The following SLC25A42 variants were observed in gnomAD, a reference collection of about 807,000 sequenced individuals.
SLC25A42 encodes mitochondrial coenzyme A transporter SLC25A42.
SLC25A42 carries 19 observed loss-of-function variants against 34.7 expected under a neutral mutation model. The observed-to-expected ratio is 0.55, with a 90% CI of 0.38 to 0.80. The LOEUF (loss-of-function observed/expected upper bound fraction) is 0.80, where lower values mean the gene tolerates loss of function less well. SLC25A42 is among the 30% of genes least tolerant of loss of function. SLC25A42 has a pLI of 0.00. For synonymous variants in SLC25A42, 205 were observed against 191.2 expected, an observed-to-expected ratio of 1.07 and a Z score of -0.59; for missense variants, 364 against 441.3, an observed-to-expected ratio of 0.82 and a Z score of 1.57.
chr19:19,076,725 A>G (rs2059657568), intron 1 of SLC25A42, among the ~76,000 whole-genome samples: 2 of 152,208 alleles, frequency 1.3e-5, no homozygotes, highest in African/African-American at 2.4e-5. Flanking sequence ...AAGTGTATAT[A>G]TAGCTCAGTG....
chr19:19,109,029 A>G lies in SLC25A42; in HGVS notation c.649+984A>G, dbSNP rs779875576. 1.3e-4 allele frequency among the ~76,000 whole-genome samples: 20 copies of G among 152,236 alleles called. No homozygotes were observed. The highest frequency in any genetic ancestry group is 2.2e-4 in the Non-Finnish European group (15 of 68,042). The stretch of plus-strand genomic sequence containing the variant: ...ATTAGAAGTGAGGGTTGCACCCCTC[A>G]AGACTGCTTTGAAAATACTTCTGTA... On this transcript the variant is annotated intron_variant, in intron 7 of 7. Coordinates refer to ENST00000318596, the MANE Select transcript of SLC25A42 (RefSeq NM_178526.5). The surrounding 1 kb of genome is among the most constrained non-coding windows in gnomAD (Gnocchi z 4.1).
Position 19,111,882 on chromosome 19 carries a change from T to C in SLC25A42, c.*1006T>C, listed in dbSNP as rs1217850428. 1 of 152,150 alleles carries C rather than the reference T, an allele frequency of 6.6e-6. No homozygotes were observed. The highest frequency in any genetic ancestry group is 1.9e-4 in the East Asian group (1 of 5,178). The allele number at this position is 152,150 out of a possible 1,614,324, so 9.4% of individuals were successfully genotyped here. A position where few individuals can be genotyped will look rare whatever the true frequency, so the allele number is the denominator to read the frequency against. On this transcript the variant is annotated 3_prime_UTR_variant, in exon 8 of 8. Transcript: ENST00000318596. ...TGTTCAGTTTCTATGAAATGGAGCA[T>C]GGGGTGCCTGCTAGCCTCAATCCCC...
In SLC25A42 at chr19:19,076,106, C is replaced by T. The variant is rs781715958; in HGVS notation, c.-35+11991C>T. Among the ~76,000 whole-genome samples, 10 of 152,276 alleles carry T rather than the reference C, an allele frequency of 6.6e-5. No individual in the cohort carries two copies. In the East Asian group the frequency reaches 1.5e-3, roughly 24 times the overall value. ...GTCCTCAGAAGGGATGGCCACTGTG[C>T]GTGTGGACCAACTGTAGAGCTTCAG... is the stretch of plus-strand genomic sequence containing the variant. On this transcript the variant is annotated intron_variant, in intron 1 of 7. Transcript: ENST00000318596.
At chr19:19,102,342 C>T (rs1365105566) in intron 3 of SLC25A42, among the ~76,000 whole-genome samples, 1 of 152,008 alleles carries the variant, frequency 6.6e-6, no homozygotes, top group Non-Finnish European at 1.5e-5. Context: ...CCCAGGCTGG[C>T]TTCAAAGTCC....
chr19:19,079,360 T>G (rs972788961), intron 1 of SLC25A42, among the ~76,000 whole-genome samples: 1 of 151,842 alleles, frequency 6.6e-6, no homozygotes, highest in Non-Finnish European at 1.5e-5. Flanking sequence ...CTGGCCAATT[T>G]CAGAACATTT....
intron 1 of SLC25A42, among the ~76,000 whole-genome samples, chr19:19,067,899 C>T (rs1356871646): frequency 1.3e-5 from 2 of 152,114 alleles, no homozygotes; most frequent in African/African-American, 2.4e-5. Context: ...CCTCTGCCCA[C>T]GTGTCATACA....
chr19:19,089,869 A>AAAAGACAAAAAC (rs2059728851), intron 1 of SLC25A42, among the ~76,000 whole-genome samples: 1 of 151,402 alleles, frequency 6.6e-6, no homozygotes, highest in Admixed American at 6.6e-5. Flanking sequence ...ACTCCGTCTC[A>AAAAGACAAAAAC]AAAAACAAAA....
At chr19:19,071,900 G>A (rs545439129) in intron 1 of SLC25A42, among the ~76,000 whole-genome samples, 23 of 152,202 alleles carry the variant, frequency 1.5e-4, no homozygotes, top group African/African-American at 5.5e-4. Context: ...AAAAATAAAG[G>A]GATGTTCTTT....
intron 1 of SLC25A42, among the ~76,000 whole-genome samples, chr19:19,073,420 G>A (rs77042168): frequency 0.019 from 2,937 of 152,296 alleles, 86 homozygotes; most frequent in African/African-American, 0.067. Context: ...ACATTTAGGA[G>A]CTTTGAAGGA....
intron 1 of SLC25A42, among the ~76,000 whole-genome samples, chr19:19,067,531 T>C (rs539879786): frequency 6.6e-6 from 1 of 152,222 alleles, no homozygotes; most frequent in African/African-American, 2.4e-5. Flanking sequence ...TGCAGTGAGC[T>C]ATGATTGCAC....
rs2059683666 is a variant in SLC25A42, at chr19:19,081,924, G to A, written c.-34-14167G>A. On this transcript the variant is annotated intron_variant, in intron 1 of 7. Transcript: ENST00000318596. This position sits in a 1 kb window ranked among gnomAD's most constrained non-coding sequence, Gnocchi z 4.5. ...TGCCTTGGACACTGCCCCTCAGGGAGGCCGACCTGATCACCTGGTCACTGG... is the reference window on the plus strand; with the variant it reads ...TGCCTTGGACACTGCCCCTCAGGGAAGCCGACCTGATCACCTGGTCACTGG... Among the ~76,000 whole-genome samples the A allele has an allele frequency of 6.6e-6, 1 of 152,212 alleles. No homozygotes were observed. Among genetic ancestry groups the A allele is most frequent in the Admixed American group, 6.5e-5 (1 of 15,278 alleles).
In SLC25A42 at chr19:19,105,727, A is replaced by G; in HGVS notation, c.380A>G (p.Glu127Gly). 6.4e-7 allele frequency: 1 copy of G among 1,559,290 alleles called. No homozygotes were observed. The highest frequency in any genetic ancestry group is 1.2e-5 in the South Asian group (1 of 86,448). Residue 127 changes from glutamate (E) to glycine (G), a missense_variant and splice_region_variant, in exon 5 of 8, where the codon GAA becomes GGA. Transcript: ENST00000318596. ...GGCAGCTACTATGGCTTCCGTGGAG[A>G]GTGAGGCCCCGCCCCGCCCTGCCAC... ...ILGSYYGFRG[E>G]ALPPWPRLFA... is the part of the protein sequence containing the mutation.
Position 19,096,073 on chromosome 19 carries a change from C to T in SLC25A42, c.-34-18C>T. 6.6e-7 allele frequency: 1 copy of T among 1,516,210 alleles called. No homozygotes were observed. The highest frequency in any genetic ancestry group is 1.1e-5 in the South Asian group (1 of 88,058). The allele number at this position is 1,516,210 out of a possible 1,614,324, so 93.9% of individuals were successfully genotyped here. A position where few individuals can be genotyped will look rare whatever the true frequency, so the allele number is the denominator to read the frequency against. On this transcript the variant is annotated intron_variant, in intron 1 of 7. Coordinates refer to ENST00000318596, the MANE Select transcript of SLC25A42 (RefSeq NM_178526.5). ...TCAGGATCTCGCCGTATCTTACCACCTCCCCTTACCCCCCCAGGACCGAGT... is the reference window on the plus strand; with the variant it reads ...TCAGGATCTCGCCGTATCTTACCACTTCCCCTTACCCCCCCAGGACCGAGT...
At chr19:19,077,940 C>G (rs2059662950) in intron 1 of SLC25A42, among the ~76,000 whole-genome samples, 1 of 152,208 alleles carries the variant, frequency 6.6e-6, no homozygotes, top group African/African-American at 2.4e-5. Flanking sequence ...TCTGCCTCTT[C>G]ACTGGTGTGT....
intron 3 of SLC25A42, among the ~76,000 whole-genome samples, chr19:19,102,428 G>T (rs901174983): frequency 6.6e-6 from 1 of 151,842 alleles, no homozygotes; most frequent in African/African-American, 2.4e-5. Context: ...ACTCAATTGG[G>T]TTTTTTTAAT....
chr19:19,086,971 T>TG (rs1191492660), intron 1 of SLC25A42, among the ~76,000 whole-genome samples: 13 of 151,472 alleles, frequency 8.6e-5, no homozygotes, highest in East Asian at 2.0e-4. Context: ...ACCATGTGTG[T>TG]GGGGGGGTGC....
intron 1 of SLC25A42, among the ~76,000 whole-genome samples, chr19:19,080,798 T>C (rs2145904610): frequency 6.6e-6 from 1 of 151,854 alleles, no homozygotes; most frequent in South Asian, 2.1e-4. Flanking sequence ...TACCTATCTG[T>C]GGTCCCAGCT....
intron 1 of SLC25A42, among the ~76,000 whole-genome samples, chr19:19,082,668 T>C (rs898997184): frequency 1.5e-4 from 22 of 151,040 alleles, no homozygotes; most frequent in Non-Finnish European, 1.0e-4. Context: ...TGGCCTTTTT[T>C]TTTTGTTTTT....
chr19:19,065,762 TATTC>T (rs1451253351), intron 1 of SLC25A42, among the ~76,000 whole-genome samples: 5 of 151,018 alleles, frequency 3.3e-5, no homozygotes, highest in East Asian at 1.9e-4. Flanking sequence ...GTACCTATAA[TATTC>T]ATATGTTTAT....
Sources: allele counts gnomAD v4.1 joint callset (sites outside exome capture counted in the v4.1 genomes callset), GRCh38; gene constraint gnomAD v4.1.1; non-coding constraint Gnocchi (gnomAD v3.1); transcripts MANE v1.5; gene names NCBI Gene and HGNC (gene_info 2026-07-23, HGNC 2026-07-21).